CDKL1: variants seen among roughly 807,000 people sequenced by gnomAD.
CDKL1 encodes cyclin-dependent kinase-like 1.
Under a neutral mutation model 42.0 loss-of-function variants are expected in CDKL1, and 41 were observed. The observed-to-expected ratio is 0.98, with a 90% CI of 0.76 to 1.27. CDKL1 has a LOEUF of 1.27. Ranked by LOEUF, CDKL1 falls within the 50% of genes most tolerant of loss-of-function variation. The probability of loss-of-function intolerance (pLI) is 0.00; values close to 1 mark genes in which losing one functional copy is unlikely to be tolerated. For missense variants in CDKL1, 394 were observed against 428.4 expected, an observed-to-expected ratio of 0.92 and a Z score of 0.71; for synonymous variants, 153 against 158.6, an observed-to-expected ratio of 0.96 and a Z score of 0.26.
In CDKL1 at chr14:50,332,403, C is replaced by G. The variant is rs1453142008; in HGVS notation, c.825G>C (p.Arg275Ser). ...KGCLHMDPTQ[R>S]LTCEQLLHHP... Reference sequence around the variant, plus strand: ...GATGCAACAGCTGTTCACATGTCAGCCTTTGAGTAGGGTCCATGTGGAGAC... The same window carrying G: ...GATGCAACAGCTGTTCACATGTCAGGCTTTGAGTAGGGTCCATGTGGAGAC... Residue 275 changes from arginine (R) to serine (S), a missense_variant, in exon 9 of 10, where the codon AGG becomes AGC. Arg to Ser is a moderately radical substitution (Grantham distance 110). Transcript: ENST00000395834. The G allele has an allele frequency of 2.5e-6, 4 of 1,613,734 alleles. No individual in the cohort carries two copies. The highest frequency in any genetic ancestry group is 3.4e-6 in the Non-Finnish European group (4 of 1,179,920).
intron 2 of CDKL1, among the ~76,000 whole-genome samples, chr14:50,368,399 G>T (rs2034490774): frequency 6.6e-6 from 1 of 152,020 alleles, no homozygotes; most frequent in Admixed American, 6.6e-5. Flanking sequence ...GGGACTACAG[G>T]TGCACACCAT....
chr14:50,338,656 G>C (rs941020366), intron 7 of CDKL1, among the ~76,000 whole-genome samples: 2 of 152,150 alleles, frequency 1.3e-5, no homozygotes, highest in African/African-American at 4.8e-5. Context: ...TCTAAAAGTT[G>C]GTTGGCTCTA....
chr14:50,382,846 GCCTCCCAAA>G (rs1181735128), intron 2 of CDKL1, among the ~76,000 whole-genome samples: 6 of 152,056 alleles, frequency 3.9e-5, no homozygotes, highest in Non-Finnish European at 7.4e-5. Flanking sequence ...GCCTGCTTTG[GCCTCCCAAA>G]GCGTTAGGAT....
At chr14:50,389,571 T>C (rs898799956) in intron 2 of CDKL1, among the ~76,000 whole-genome samples, 2 of 152,162 alleles carry the variant, frequency 1.3e-5, no homozygotes, top group African/African-American at 4.8e-5. Flanking sequence ...GTGATATTTA[T>C]AATTAATTTT....
intron 2 of CDKL1, chr14:50,380,062 T>C (rs539926610): frequency 4.6e-5 from 22 of 483,160 alleles, no homozygotes; most frequent in South Asian, 2.9e-4. Flanking sequence ...ACTTGAGAAA[T>C]GCAAAATTGG....
intron 2 of CDKL1, among the ~76,000 whole-genome samples, chr14:50,364,853 T>C (rs528171180): frequency 1.3e-5 from 2 of 152,332 alleles, no homozygotes; most frequent in South Asian, 4.1e-4. Flanking sequence ...TATCTTAAGG[T>C]GCATATGGCA....
chr14:50,397,123 A>G (rs771588423), upstream of CDKL1: 8 of 1,365,054 alleles, frequency 5.9e-6, no homozygotes, highest in Non-Finnish European at 7.8e-6. Flanking sequence ...CAGGCCGTGC[A>G]AAGCGCAGCT....
chr14:50,390,340 A>T, intron 2 of CDKL1: 1 of 1,366,192 alleles, frequency 7.3e-7, no homozygotes, highest in Non-Finnish European at 9.8e-7. Flanking sequence ...TTGACCTCCA[A>T]CTCCGCTAGG....
intron 7 of CDKL1, among the ~76,000 whole-genome samples, chr14:50,338,437 A>G (rs1348790233): frequency 2.0e-5 from 3 of 152,184 alleles, no homozygotes; most frequent in Non-Finnish European, 4.4e-5. Context: ...CATGTTGGCC[A>G]GGCTGGTCTG....
chr14:50,344,568 C>T (rs1205881810), intron 4 of CDKL1, among the ~76,000 whole-genome samples: 2 of 149,994 alleles, frequency 1.3e-5, no homozygotes, highest in African/African-American at 2.5e-5. Context: ...CTCCCCAGCT[C>T]AAGTGATCCT....
At chr14:50,387,032 G>GA (rs772932323) in intron 2 of CDKL1, among the ~76,000 whole-genome samples, 32 of 136,646 alleles carry the variant, frequency 2.3e-4, no homozygotes, top group South Asian at 1.2e-3. Flanking sequence ...GTCTCAAAAA[G>GA]AAAAAAAAAA....
intron 2 of CDKL1, among the ~76,000 whole-genome samples, chr14:50,371,930 G>A (rs2034601928): frequency 6.6e-6 from 1 of 152,242 alleles, no homozygotes; most frequent in Non-Finnish European, 1.5e-5. Context: ...GACCCAGCCA[G>A]GTGTGCGCAT....
intron 2 of CDKL1, among the ~76,000 whole-genome samples, chr14:50,386,827 G>A (rs1282185945): frequency 3.3e-5 from 5 of 151,990 alleles, no homozygotes; most frequent in Admixed American, 1.3e-4. Context: ...TTGGGAGGCC[G>A]AGGTCAGGAG....
At chr14:50,387,341 G>A (rs2035116209) in intron 2 of CDKL1, among the ~76,000 whole-genome samples, 1 of 152,034 alleles carries the variant, frequency 6.6e-6, no homozygotes, top group Admixed American at 6.5e-5. Flanking sequence ...GTCCAACATG[G>A]TGAAACCCCG....
At chr14:50,386,333 C>T in intron 2 of CDKL1, among the ~76,000 whole-genome samples, 1 of 152,102 alleles carries the variant, frequency 6.6e-6, no homozygotes, top group South Asian at 2.1e-4. Flanking sequence ...ACTCAGGAGG[C>T]TGAGGCAGAA....
chr14:50,370,894 C>T (rs529519595), intron 2 of CDKL1, among the ~76,000 whole-genome samples: 15 of 152,326 alleles, frequency 9.8e-5, no homozygotes, highest in Admixed American at 3.9e-4. Context: ...CAGACCCCAT[C>T]TCCAGCACTG....
At chr14:50,395,134 C>T (rs1292127981) in intron 2 of CDKL1, among the ~76,000 whole-genome samples, 1 of 152,152 alleles carries the variant, frequency 6.6e-6, no homozygotes, top group Non-Finnish European at 1.5e-5. Flanking sequence ...TGTTAATTCT[C>T]TTAATAGACT....
chr14:50,364,520 A>G (rs997902974), intron 2 of CDKL1, among the ~76,000 whole-genome samples: 2 of 152,230 alleles, frequency 1.3e-5, no homozygotes, highest in Non-Finnish European at 2.9e-5. Flanking sequence ...TGAGGTTCTG[A>G]TAACTGCATG....
chr14:50,377,708 G>A, intron 2 of CDKL1: 2 of 1,306,704 alleles, frequency 1.5e-6, no homozygotes, highest in Non-Finnish European at 2.0e-6. Flanking sequence ...GGTTTTGAAT[G>A]GGGTGTAAGC....
Sources: gnomAD v4.1 joint callset for allele counts (sites outside exome capture counted in the v4.1 genomes callset) on GRCh38, gnomAD v4.1.1 for gene constraint, MANE v1.5 for transcripts, NCBI Gene and HGNC (gene_info 2026-07-23, HGNC 2026-07-21) for gene names.